Variants in CORO7 observed in about 807,000 individuals in gnomAD.
The protein encoded by CORO7 is coronin 7, also known as coronin-7.
CORO7 carries 107 observed loss-of-function variants against 126.6 expected under a neutral mutation model. That is an observed-to-expected ratio of 0.85 (90% CI 0.72 to 0.99). The LOEUF (loss-of-function observed/expected upper bound fraction) is 0.99. CORO7 is among the 50% of genes least tolerant of loss of function. CORO7 has a pLI of 0.00. For missense variants in CORO7, 1,314 were observed against 1,255.8 expected, an observed-to-expected ratio of 1.05 and a Z score of -0.70; for synonymous variants, 603 against 536.8, an observed-to-expected ratio of 1.12 and a Z score of -1.70.
At chr16:4,382,470 C>A in intron 9 of CORO7, 1 of 1,607,004 alleles carries the variant, frequency 6.2e-7, no homozygotes, top group Non-Finnish European at 8.5e-7. Flanking sequence ...ACGCCACTTA[C>A]TCCGTCTGTG....
intron 1 of CORO7, among the ~76,000 whole-genome samples, chr16:4,414,960 C>T (rs1302086939): frequency 6.6e-6 from 1 of 152,172 alleles, no homozygotes; most frequent in African/African-American, 2.4e-5. Context: ...TTCCTCGGCT[C>T]AAGAGATCCT....
In CORO7 at chr16:4,355,292, G is replaced by A. The variant is rs750003111; in HGVS notation, c.2766C>T (p.Asp922=). The A allele has an allele frequency of 8.7e-6, 14 of 1,613,432 alleles. No individual in the cohort carries two copies. Among genetic ancestry groups the A allele is most frequent in the Non-Finnish European group, 1.1e-5 (13 of 1,179,936 alleles). Residue 922 remains aspartate (D), a synonymous_variant, in exon 27 of 28, where the codon GAC becomes GAT. Coordinates refer to ENST00000251166, the MANE Select transcript of CORO7 (RefSeq NM_024535.5). ...PQDSFEGVDE[D]EWD is the part of the protein sequence containing the mutation. ...GAGGCCACTCACTACTCACCCACTC[G>A]TCCTCGTCCACGCCTTCAAAGGAGT...
In CORO7 at chr16:4,388,662, C is replaced by A. The variant is rs778429498; in HGVS notation, c.616-31G>T. On this transcript the variant is annotated intron_variant, in intron 7 of 27. Transcript: ENST00000251166. ...GGAGGCAAGAGGTGGACCTGAGCCC[C>A]CAGGGCCCTGCTGGTGGGCGGGGCC... 4.4e-6 allele frequency: 7 copies of A among 1,598,032 alleles called. No individual in the cohort carries two copies. In the South Asian group the frequency reaches 7.9e-5, roughly 18 times the overall value.
In CORO7 at chr16:4,355,057, T is replaced by G. The variant is rs1193122922; in HGVS notation, c.*101A>C. The G allele has an allele frequency of 2.7e-5, 36 of 1,326,074 alleles. No homozygotes were observed. Among genetic ancestry groups the G allele is most frequent in the Non-Finnish European group, 3.6e-5 (36 of 997,364 alleles). 82.1% of individuals were successfully genotyped at this position (1,326,074 alleles called of 1,614,324 possible). Reference sequence around the variant, plus strand: ...GGAAGGCAGGAGTGCAGGGGTGACATGTGCCGGGGCCAGAGAGGTATCTTC... The same window carrying G: ...GGAAGGCAGGAGTGCAGGGGTGACAGGTGCCGGGGCCAGAGAGGTATCTTC... On this transcript the variant is annotated 3_prime_UTR_variant, in exon 28 of 28. Coordinates refer to ENST00000251166, the MANE Select transcript of CORO7 (RefSeq NM_024535.5).
chr16:4,377,081 G>A (rs923791138), intron 9 of CORO7, among the ~76,000 whole-genome samples: 20 of 152,276 alleles, frequency 1.3e-4, no homozygotes, highest in African/African-American at 4.1e-4. Context: ...GGTAGGGGTC[G>A]TGGCCGGGCT....
intron 9 of CORO7, among the ~76,000 whole-genome samples, chr16:4,372,246 C>G (rs1247260034): frequency 1.3e-5 from 2 of 152,170 alleles, no homozygotes; most frequent in African/African-American, 4.8e-5. Context: ...CGCGAGGCTG[C>G]AAGCAGACAA....
chr16:4,364,481 G>A, intron 13 of CORO7, 68 bp from the exon 14 acceptor site: 1 of 1,476,892 alleles, frequency 6.8e-7, no homozygotes. Context: ...CCCATGGGAG[G>A]GTCAACTGGG....
At chr16:4,416,421 C>T (rs944499844) in intron 1 of CORO7, 38 bp downstream of exon 1, 2 of 1,534,436 alleles carry the variant, frequency 1.3e-6, no homozygotes. Flanking sequence ...CCGGACGGGG[C>T]CCGAGGCGAC....
At chr16:4,376,821 G>A (rs912584657) in intron 9 of CORO7, among the ~76,000 whole-genome samples, 11 of 152,202 alleles carry the variant, frequency 7.2e-5, no homozygotes, top group Admixed American at 1.3e-4. Flanking sequence ...CCCCACCCCC[G>A]CTCCCCAGCC....
chr16:4,355,309 C>G lies in CORO7; in HGVS notation c.2749G>C (p.Glu917Gln). The change falls in exon 27 of 28, where the codon GAA becomes CAA. Residue 917 changes from glutamate (E) to glutamine (Q), a missense_variant. Glu to Gln is a conservative substitution (Grantham distance 29). Coordinates refer to ENST00000251166, the MANE Select transcript of CORO7 (RefSeq NM_024535.5). ...REDPLPQDSF[E>Q]GVDEDEWD ...ACCCACTCGTCCTCGTCCACGCCTTCAAAGGAGTCCTGGGGGAGTGGGTCC... is the reference window on the plus strand; with the variant it reads ...ACCCACTCGTCCTCGTCCACGCCTTGAAAGGAGTCCTGGGGGAGTGGGTCC... The G allele has an allele frequency of 6.2e-7, 1 of 1,613,466 alleles. No homozygotes were observed. Among genetic ancestry groups the G allele is most frequent in the Non-Finnish European group, 8.5e-7 (1 of 1,179,964 alleles).
At chr16:4,359,168 C>G in intron 23 of CORO7, 128 bp downstream of exon 23, 1 of 1,063,596 alleles carries the variant, frequency 9.4e-7, no homozygotes, top group Non-Finnish European at 1.3e-6. Flanking sequence ...CTGGGCACAG[C>G]CCCAGGCCCA....
chr16:4,397,716 C>T (rs906186208), intron 6 of CORO7, among the ~76,000 whole-genome samples: 2 of 152,126 alleles, frequency 1.3e-5, no homozygotes, highest in East Asian at 1.9e-4. Context: ...CGGGTTCAAG[C>T]GATTCTCCTG....
rs767308784 is a variant in CORO7, at chr16:4,382,303, C to T, written c.785+5683G>A. ...CATCGAGCCGGTGAGCCCCACCTCC[C>T]TGCGCGTGGGGCTGCAGCGCTACCT... On this transcript the variant is annotated intron_variant, in intron 9 of 27. Coordinates refer to ENST00000251166, the MANE Select transcript of CORO7 (RefSeq NM_024535.5). The T allele has an allele frequency of 1.9e-6, 3 of 1,610,276 alleles. No individual in the cohort carries two copies. In the African/African-American group the frequency reaches 4.0e-5, roughly 21 times the overall value.
intron 2 of CORO7, chr16:4,412,779 G>A: frequency 3.0e-6 from 1 of 332,516 alleles, no homozygotes; most frequent in Non-Finnish European, 5.6e-6. Flanking sequence ...CAAGGTGGCA[G>A]AGCTGAGAGA....
chr16:4,367,440 G>C (rs1460367994), intron 9 of CORO7, among the ~76,000 whole-genome samples: 2 of 152,168 alleles, frequency 1.3e-5, no homozygotes, highest in African/African-American at 4.8e-5. Context: ...TCCTCGGCTC[G>C]ACCTGCATGT....
rs1250917172 is a variant in CORO7 at position 4,364,275 on chromosome 16, C to A, written c.1275+1G>T. 2.0e-6 allele frequency: 3 copies of A among 1,537,046 alleles called. No individual in the cohort carries two copies. The highest frequency in any genetic ancestry group is 2.8e-5 in the African/African-American group (2 of 71,882). On this transcript the variant is annotated splice_donor_variant, in intron 14 of 27. Transcript: ENST00000251166. LOFTEE classifies it high-confidence loss of function. ...AGGATGGGGGCGGCCCTGGTACTTACGCTTGCGTCTGCATCACCCACGGGT... is the reference window on the plus strand; with the variant it reads ...AGGATGGGGGCGGCCCTGGTACTTAAGCTTGCGTCTGCATCACCCACGGGT...
intron 4 of CORO7, 149 bp downstream of exon 4, chr16:4,408,032 C>T (rs1048847140): frequency 2.4e-6 from 3 of 1,253,962 alleles, no homozygotes; most frequent in Non-Finnish European, 3.3e-6. Context: ...AGTGTGGGAC[C>T]AGGAATTCAG....
At chr16:4,357,298 C>CGTTA in intron 25 of CORO7, 39 bp from the exon 26 acceptor site, 1 of 1,548,938 alleles carries the variant, frequency 6.5e-7, no homozygotes, top group Non-Finnish European at 8.7e-7. Flanking sequence ...GAGTCCCCTT[C>CGTTA]GTTAGGGCTC....
At position 4,355,348 on chromosome 16, in the gene CORO7, G is replaced by A; in HGVS notation, c.2710C>T (p.Leu904=). 1 of 1,612,036 alleles carries A rather than the reference G, an allele frequency of 6.2e-7. No individual in the cohort carries two copies. The highest frequency in any genetic ancestry group is 8.5e-7 in the Non-Finnish European group (1 of 1,179,892). ...GGGAGTGGGTCCTCCCGGTTCCCCA[G>A]TTTTGCCACCATGGCATTCAGCAGC... The part of the protein sequence containing the change: ...EELLNAMVAK[L]GNREDPLPQD... The change falls in exon 27 of 28, where the codon CTG becomes TTG. Residue 904 remains leucine (L), a synonymous_variant. Transcript: ENST00000251166.
Sources: allele counts gnomAD v4.1 joint callset (sites outside exome capture counted in the v4.1 genomes callset), GRCh38; gene constraint gnomAD v4.1.1; transcripts MANE v1.5; gene names NCBI Gene and HGNC (gene_info 2026-07-23, HGNC 2026-07-21).